Variants in MLIP observed in about 807,000 individuals in gnomAD.
MLIP encodes the protein muscular LMNA interacting protein, also known as muscular LMNA-interacting protein.
A neutral mutation model predicts 84.8 loss-of-function variants in MLIP; 79 were observed. The observed-to-expected ratio is 0.93, with a 90% CI of 0.78 to 1.12. MLIP has a LOEUF of 1.12. Ranked by LOEUF, MLIP falls within the 50% of genes most tolerant of loss-of-function variation. The pLI, the probability that MLIP is intolerant of heterozygous loss-of-function variation, is 0.00. For synonymous variants in MLIP, 504 were observed against 463.0 expected, an observed-to-expected ratio of 1.09 and a Z score of -1.14; for missense variants, 1,257 against 1,160.6, an observed-to-expected ratio of 1.08 and a Z score of -1.21.
intron 9 of MLIP, among the ~76,000 whole-genome samples, 164 bp downstream of exon 9, chr6:54,169,736 G>C (rs879555719): frequency 1.3e-5 from 2 of 151,590 alleles, no homozygotes; most frequent in Non-Finnish European, 3.0e-5. Flanking sequence ...TTATGTCAGA[G>C]ATAAAACATC....
At chr6:54,174,045 ATGT>A (rs1344241704) in intron 9 of MLIP, among the ~76,000 whole-genome samples, 2 of 151,892 alleles carry the variant, frequency 1.3e-5, no homozygotes, top group Non-Finnish European at 2.9e-5. Flanking sequence ...AGTTCCATAC[ATGT>A]TGTAGCAAAT....
At chr6:54,193,983 C>T (rs1485640207) in intron 10 of MLIP, among the ~76,000 whole-genome samples, 1 of 152,084 alleles carries the variant, frequency 6.6e-6, no homozygotes, top group African/African-American at 2.4e-5. Flanking sequence ...TTGCCTTTTG[C>T]TTTTGAAATT....
intron 1 of MLIP, among the ~76,000 whole-genome samples, chr6:54,082,810 CA>C (rs1767250185): frequency 1.3e-5 from 2 of 151,116 alleles, no homozygotes; most frequent in Non-Finnish European, 2.9e-5. Flanking sequence ...ATATAATTTG[CA>C]AATTATTTTA....
At chr6:54,103,566 G>A (rs1768801414) in intron 1 of MLIP, among the ~76,000 whole-genome samples, 2 of 152,138 alleles carry the variant, frequency 1.3e-5, no homozygotes, top group South Asian at 4.1e-4. Flanking sequence ...ACTGTGTATT[G>A]CACACACAAT....
chr6:54,109,064 T>C (rs1039171839), upstream of MLIP, among the ~76,000 whole-genome samples: 11 of 150,186 alleles, frequency 7.3e-5, no homozygotes, highest in African/African-American at 2.7e-4. Flanking sequence ...TATATGTCTT[T>C]ATATATATAA....
In MLIP at chr6:54,215,058, G is replaced by T. The variant is rs1779754594; in HGVS notation, c.2718+12825G>T. ...TAAGTTCTCAATATTCTGGACCCTGGTCTCTGCCTTTTTGCTCCTATTTGT... is the reference window on the plus strand; with the variant it reads ...TAAGTTCTCAATATTCTGGACCCTGTTCTCTGCCTTTTTGCTCCTATTTGT... On this transcript the variant is annotated intron_variant, in intron 11 of 13. Coordinates refer to ENST00000502396, the MANE Select transcript of MLIP (RefSeq NM_001281747.2). The T allele has an allele frequency of 1.0e-5, 10 of 959,458 alleles. No homozygotes were observed. In the Middle Eastern group the frequency reaches 1.0e-3, roughly 97 times the overall value. The allele number at this position is 959,458 out of a possible 1,614,324, so 59.4% of individuals were successfully genotyped here. A position where few individuals can be genotyped will look rare whatever the true frequency, so the allele number is the denominator to read the frequency against.
At chr6:54,168,907 T>C (rs76929989) in intron 8 of MLIP, among the ~76,000 whole-genome samples, 20 of 143,392 alleles carry the variant, frequency 1.4e-4, no homozygotes, top group Non-Finnish European at 2.7e-4. Flanking sequence ...GAGAGGAAGA[T>C]TAAAAAAAGT....
chr6:54,215,564 A>C, intron 11 of MLIP: 1 of 238,806 alleles, frequency 4.2e-6, no homozygotes, highest in Non-Finnish European at 7.2e-6. Context: ...ACCACAGTTA[A>C]ATTAATCAAT....
At chr6:54,119,318 G>A (rs1770231756) in intron 1 of MLIP, among the ~76,000 whole-genome samples, 1 of 152,208 alleles carries the variant, frequency 6.6e-6, no homozygotes, top group Admixed American at 6.5e-5. Flanking sequence ...AATGGATAGA[G>A]AAAATGTAGT....
At chr6:54,026,679 A>C (rs1340705349) in intron 1 of MLIP, among the ~76,000 whole-genome samples, 1 of 151,368 alleles carries the variant, frequency 6.6e-6, no homozygotes, top group Non-Finnish European at 1.5e-5. Flanking sequence ...TAATTCACAT[A>C]CCTATGAAAA....
intron 1 of MLIP, among the ~76,000 whole-genome samples, chr6:54,056,051 A>C (rs1369451775): frequency 6.6e-6 from 1 of 152,174 alleles, no homozygotes; most frequent in East Asian, 1.9e-4. Context: ...TGCCACTTTT[A>C]AATTTTAAAA....
intron 1 of MLIP, among the ~76,000 whole-genome samples, chr6:54,059,985 C>G (rs1765875433): frequency 6.6e-6 from 1 of 152,216 alleles, no homozygotes; most frequent in South Asian, 2.1e-4. Context: ...AGTGATTTCT[C>G]CTAAAGTTTT....
rs932732424 is a variant in MLIP at position 54,138,073 on chromosome 6, C to T, written c.2004C>T (p.Pro668=). 108 of 1,536,052 alleles carry T rather than the reference C, an allele frequency of 7.0e-5. No individual in the cohort carries two copies. Among genetic ancestry groups the T allele is most frequent in the Admixed American group, 9.8e-5 (5 of 50,984 alleles). ...CCTCTCTCCCTCATGCCAATCTGCC[C>T]ACCCTGGTGCCCCAGCTCAGTCCCT... The part of the protein sequence containing the change: ...RSSSLPHANL[P]TLVPQLSPSA... The change falls in exon 4 of 14, where the codon CCC becomes CCT. Residue 668 remains proline, a synonymous_variant. Coordinates refer to ENST00000502396, the MANE Select transcript of MLIP (RefSeq NM_001281747.2).
At position 54,213,737 on chromosome 6, in the gene MLIP, C is replaced by CCAAA. The variant is rs1779653496; in HGVS notation, c.2718+11504_2718+11505insCAAA. ...AAAAAAAAAAAAAAAAAAAAAAAAA[C>CCAAA]AACAAACAGCATATCTTGTATGTAC... On this transcript the variant is annotated intron_variant, in intron 11 of 13. Coordinates refer to ENST00000502396, the MANE Select transcript of MLIP (RefSeq NM_001281747.2). 3.4e-4 allele frequency among the ~76,000 whole-genome samples: 24 copies of CCAAA among 71,370 alleles called. 1 individual carries two copies. Among genetic ancestry groups the CCAAA allele is most frequent in the African/African-American group, 4.6e-4 (9 of 19,472 alleles). 46.8% of individuals were successfully genotyped at this position (71,370 alleles called of 152,430 possible).
chr6:54,093,340 AT>A (rs1767985623), intron 1 of MLIP, among the ~76,000 whole-genome samples: 1 of 128,672 alleles, frequency 7.8e-6, no homozygotes, highest in Non-Finnish European at 1.7e-5. Context: ...ATTCTATTCT[AT>A]TCTATTCTAT....
intron 9 of MLIP, among the ~76,000 whole-genome samples, chr6:54,182,778 C>T (rs1777015280): frequency 6.6e-6 from 1 of 152,100 alleles, no homozygotes; most frequent in Non-Finnish European, 1.5e-5. Context: ...AGTATGCTTT[C>T]TTAATAAAGA....
chr6:54,230,781 C>T lies in MLIP; in HGVS notation c.2786C>T (p.Ala929Val). ...TATCAGACTAAACTCTATCCTCCTG[C>T]TAAGTCACTGCTGCATCCACAGACC... is the stretch of plus-strand genomic sequence containing the variant. ...PLYQTKLYPP[A>V]KSLLHPQTLS... The change falls in exon 12 of 14, where the codon GCT becomes GTT. Residue 929 changes from alanine (A) to valine (V), a missense_variant. Ala to Val is a moderately conservative substitution (Grantham distance 64). Coordinates refer to ENST00000502396, the MANE Select transcript of MLIP (RefSeq NM_001281747.2). 1 of 1,614,104 alleles carries T rather than the reference C, an allele frequency of 6.2e-7. No individual in the cohort carries two copies. The highest frequency in any genetic ancestry group is 8.5e-7 in the Non-Finnish European group (1 of 1,179,986).
chr6:54,078,778 G>T (rs1766960447), intron 1 of MLIP, among the ~76,000 whole-genome samples: 1 of 140,858 alleles, frequency 7.1e-6, no homozygotes, highest in African/African-American at 2.7e-5. Context: ...TGCAACCTCT[G>T]TCTCCTGGGT....
At chr6:54,153,469 G>A (rs1773676207) in intron 5 of MLIP, among the ~76,000 whole-genome samples, 1 of 152,014 alleles carries the variant, frequency 6.6e-6, no homozygotes, top group Non-Finnish European at 1.5e-5. Flanking sequence ...ACCCAGCTAA[G>A]TTGCCTATTT....
Sources: allele counts gnomAD v4.1 joint callset (sites outside exome capture counted in the v4.1 genomes callset), GRCh38; gene constraint gnomAD v4.1.1; transcripts MANE v1.5; gene names NCBI Gene and HGNC (gene_info 2026-07-23, HGNC 2026-07-21).